The following VEGFC variants were observed in gnomAD, a reference collection of about 807,000 sequenced individuals.
VEGFC encodes FLT4 ligand DHM.
A neutral mutation model predicts 46.1 loss-of-function variants in VEGFC; 12 were observed. The ratio of observed to expected loss-of-function variants is 0.26; its 90% CI spans 0.17 to 0.42. The LOEUF (loss-of-function observed/expected upper bound fraction) is 0.42. Among genes scored for constraint, VEGFC ranks in the 10% least tolerant of loss-of-function variants. VEGFC has a pLI of 1.00. For missense variants in VEGFC, 488 were observed against 529.4 expected, an observed-to-expected ratio of 0.92 and a Z score of 0.77; for synonymous variants, 232 against 195.5, an observed-to-expected ratio of 1.19 and a Z score of -1.56.
At chr4:176,707,021 CAACTT>C (rs1315703635) in intron 4 of VEGFC, among the ~76,000 whole-genome samples, 2 of 152,154 alleles carry the variant, frequency 1.3e-5, no homozygotes, top group African/African-American at 4.8e-5. Flanking sequence ...TTATTTCACT[CAACTT>C]AATGTCTCTG....
intron 1 of VEGFC, among the ~76,000 whole-genome samples, chr4:176,779,519 A>C (rs1735871448): frequency 6.6e-6 from 1 of 152,186 alleles, no homozygotes; most frequent in Admixed American, 6.5e-5. Flanking sequence ...ACACGTGTCT[A>C]AAATTTTGGT....
Position 176,792,362 on chromosome 4 carries a change from G to GGGGCGC in VEGFC, c.-57_-52dup. On this transcript the variant is annotated 5_prime_UTR_variant, in exon 1 of 7. Coordinates refer to ENST00000618562, the MANE Select transcript of VEGFC (RefSeq NM_005429.5). This position sits in a 1 kb window ranked among gnomAD's most constrained non-coding sequence, Gnocchi z 6.3. Reference sequence around the variant, plus strand: ...CGGTCCGCTGGCGGGGGCAGGGGTGGGGGCGCGGGCGCCCCTGCGAGGCCG... The same window carrying GGGGCGC: ...CGGTCCGCTGGCGGGGGCAGGGGTGGGGGCGCGGGCGCGGGCGCCCCTGCGAGGCCG... 7.3e-7 allele frequency: 1 copy of GGGGCGC among 1,369,188 alleles called. No individual in the cohort carries two copies. The highest frequency in any genetic ancestry group is 9.5e-7 in the Non-Finnish European group (1 of 1,053,162). 84.8% of individuals were successfully genotyped at this position (1,369,188 alleles called of 1,614,324 possible).
intron 3 of VEGFC, among the ~76,000 whole-genome samples, chr4:176,712,642 A>C (rs1465079245): frequency 6.6e-6 from 1 of 152,180 alleles, no homozygotes; most frequent in Non-Finnish European, 1.5e-5. Context: ...CAGTGATAAA[A>C]AAGATGACAA....
chr4:176,692,121 G>T (rs1449193677), intron 4 of VEGFC, among the ~76,000 whole-genome samples: 36 of 152,110 alleles, frequency 2.4e-4, no homozygotes, highest in African/African-American at 8.2e-4. Flanking sequence ...CCGGCCCGGC[G>T]CGGTGGCTCA....
At chr4:176,752,527 C>T (rs932361776) in intron 1 of VEGFC, among the ~76,000 whole-genome samples, 4 of 152,096 alleles carry the variant, frequency 2.6e-5, no homozygotes, top group African/African-American at 9.7e-5. Context: ...AAGAGAATCA[C>T]TTCCTTCTCT....
At chr4:176,774,083 CAA>C (rs958970935) in intron 1 of VEGFC, among the ~76,000 whole-genome samples, 1 of 151,928 alleles carries the variant, frequency 6.6e-6, no homozygotes, top group African/African-American at 2.4e-5. Context: ...AAATAAATGA[CAA>C]GTTAGTATTC....
chr4:176,766,522 G>A (rs1178227700), intron 1 of VEGFC, among the ~76,000 whole-genome samples: 1 of 151,722 alleles, frequency 6.6e-6, no homozygotes, highest in Non-Finnish European at 1.5e-5. Flanking sequence ...GAGAGATTGT[G>A]GCTGTGGTGA....
At chr4:176,764,090 T>C (rs917772240) in intron 1 of VEGFC, among the ~76,000 whole-genome samples, 3 of 151,830 alleles carry the variant, frequency 2.0e-5, no homozygotes, top group East Asian at 1.9e-4. Context: ...CTAGAAAATA[T>C]GAGATGAAAC....
chr4:176,708,016 T>G (rs1734566022), intron 4 of VEGFC, among the ~76,000 whole-genome samples: 1 of 151,830 alleles, frequency 6.6e-6, no homozygotes, highest in Admixed American at 6.6e-5. Context: ...TGTCAAATGA[T>G]GAAAAGAAAA....
chr4:176,687,724 A>C, intron 5 of VEGFC, 97 bp downstream of exon 5: 1 of 1,063,508 alleles, frequency 9.4e-7, no homozygotes. Context: ...CTTATTTAGA[A>C]GAATGATGAA....
chr4:176,733,146 C>T (rs1734996043), intron 1 of VEGFC, among the ~76,000 whole-genome samples: 1 of 151,922 alleles, frequency 6.6e-6, no homozygotes, highest in Non-Finnish European at 1.5e-5. Context: ...GCAACTGGAA[C>T]TCTCACATGT....
intron 1 of VEGFC, among the ~76,000 whole-genome samples, chr4:176,789,037 C>T (rs1164436797): frequency 6.6e-6 from 1 of 152,230 alleles, no homozygotes; most frequent in Non-Finnish European, 1.5e-5. Flanking sequence ...AACCCCAGGA[C>T]TGCCAAAGGC....
intron 3 of VEGFC, among the ~76,000 whole-genome samples, chr4:176,714,043 C>T (rs1371555130): frequency 6.6e-6 from 1 of 152,114 alleles, no homozygotes; most frequent in Non-Finnish European, 1.5e-5. Context: ...TGGGAAAGGG[C>T]TCAAGTGGCT....
At chr4:176,694,243 T>G (rs1436781541) in intron 4 of VEGFC, among the ~76,000 whole-genome samples, 13 of 150,482 alleles carry the variant, frequency 8.6e-5, no homozygotes, top group African/African-American at 2.2e-4. Context: ...CCATCTCACG[T>G]GCAGAGACAC....
chr4:176,694,357 C>A (rs549897819), intron 4 of VEGFC, among the ~76,000 whole-genome samples: 1 of 152,072 alleles, frequency 6.6e-6, no homozygotes, highest in East Asian at 1.9e-4. Context: ...AGACTTTAAA[C>A]CAACAAAGAT....
rs1452319332 is a variant in VEGFC, at chr4:176,687,281, G to A, written c.1051C>T (p.Gln351Ter). The A allele has an allele frequency of 2.5e-6, 4 of 1,614,126 alleles. No homozygotes were observed. The highest frequency in any genetic ancestry group is 3.4e-6 in the Non-Finnish European group (4 of 1,180,024). Residue 351 changes from glutamine (Q) to a stop codon, truncating the protein, a stop_gained, in exon 6 of 7, where the codon CAA becomes TAA. Coordinates refer to ENST00000618562, the MANE Select transcript of VEGFC (RefSeq NM_005429.5). LOFTEE classifies it high-confidence loss of function. ...GCACATTTTCCAGGATTTAGGGGTTGATTTCTGGGGCAGGTTCTTTTACAT... is the reference window on the plus strand; with the variant it reads ...GCACATTTTCCAGGATTTAGGGGTTAATTTCTGGGGCAGGTTCTTTTACAT... ...CVCKRTCPRN[Q>*]PLNPGKCACE...
At chr4:176,723,144 T>C (rs1322819976) in intron 3 of VEGFC, among the ~76,000 whole-genome samples, 1 of 152,190 alleles carries the variant, frequency 6.6e-6, no homozygotes, top group East Asian at 1.9e-4. Context: ...AAGAAAGATA[T>C]AATGTTGGCT....
chr4:176,733,283 T>G (rs978653329), intron 1 of VEGFC, among the ~76,000 whole-genome samples: 2 of 151,960 alleles, frequency 1.3e-5, no homozygotes, highest in African/African-American at 4.8e-5. Flanking sequence ...AACAAAAACT[T>G]ATGTTCACAT....
At chr4:176,697,957 G>C (rs530464760) in intron 4 of VEGFC, among the ~76,000 whole-genome samples, 2 of 151,678 alleles carry the variant, frequency 1.3e-5, no homozygotes, top group African/African-American at 4.9e-5. Flanking sequence ...GACACAGGAA[G>C]GGGAACATCA....
Sources: gnomAD v4.1 joint callset for allele counts (sites outside exome capture counted in the v4.1 genomes callset) on GRCh38, gnomAD v4.1.1 for gene constraint, Gnocchi (gnomAD v3.1) non-coding constraint, MANE v1.5 for transcripts, NCBI Gene and HGNC (gene_info 2026-07-23, HGNC 2026-07-21) for gene names.